WNK1: variants seen among roughly 807,000 people sequenced by gnomAD.
WNK1 encodes WNK lysine deficient protein kinase 1.
WNK1 carries 38 observed loss-of-function variants against 222.8 expected under a neutral mutation model. The ratio of observed to expected loss-of-function variants is 0.17; its 90% CI spans 0.13 to 0.22. The LOEUF (loss-of-function observed/expected upper bound fraction) is 0.22, where lower values mean the gene tolerates loss of function less well. Among genes scored for constraint, WNK1 ranks in the 10% least tolerant of loss-of-function variants. The pLI is 1.00. For missense variants in WNK1, 2,348 were observed against 2,918.4 expected (o/e 0.80, Z 4.50); for synonymous variants, 1,090 against 1,092.9 (o/e 1.00, Z 0.05).
chr12:895,928 A>T, intron 23 of WNK1, 143 bp from the exon 24 acceptor site: 1 of 1,061,816 alleles, frequency 9.4e-7, no homozygotes, highest in Non-Finnish European at 1.4e-6. Context: ...TCCTAGTCAA[A>T]AGTGGAGGCG....
At chr12:811,102 A>AT (rs1946865231) in intron 1 of WNK1, among the ~76,000 whole-genome samples, 1 of 152,190 alleles carries the variant, frequency 6.6e-6, no homozygotes, top group African/African-American at 2.4e-5. Context: ...ATCCAGCTCC[A>AT]TAATGGTGAA....
chr12:815,423 G>A lies in WNK1; in HGVS notation c.932+1609G>A, dbSNP rs536550437. Among the ~76,000 whole-genome samples, 6 of 152,272 alleles carry A rather than the reference G, an allele frequency of 3.9e-5. No individual in the cohort carries two copies. The East Asian group carries it at 9.6e-4, about 24-fold the overall frequency. On this transcript the variant is annotated intron_variant, in intron 2 of 27. Transcript: ENST00000315939. The stretch of plus-strand genomic sequence containing the variant: ...CTTGCATGTTTTCTGAAATGCTTAC[G>A]GTTAGCATGTTGAAACATGAACAGA...
At chr12:788,033 C>T (rs1944481592) in intron 1 of WNK1, among the ~76,000 whole-genome samples, 1 of 152,072 alleles carries the variant, frequency 6.6e-6, no homozygotes, top group Non-Finnish European at 1.5e-5. Context: ...GGAACTCTAG[C>T]ACAGGAGCTG....
intron 9 of WNK1, among the ~76,000 whole-genome samples, chr12:872,247 G>T (rs903784573): frequency 2.0e-5 from 3 of 151,876 alleles, no homozygotes; most frequent in Non-Finnish European, 2.9e-5. Flanking sequence ...CGCCTCAGCC[G>T]CCCGAGTAGC....
In WNK1 at chr12:753,364, G is replaced by T; in HGVS notation, c.-202G>T. ...CCTCCTCGTGAGCCGCAGCAGCCTC[G>T]GTGCCAGCCCCCGCCGCAGCTGGGC... is the stretch of plus-strand genomic sequence containing the variant. On this transcript the variant is annotated 5_prime_UTR_variant, in exon 1 of 28. Transcript: ENST00000315939. The surrounding 1 kb of genome is among the most constrained non-coding windows in gnomAD (Gnocchi z 5.2). 1.5e-6 allele frequency: 1 copy of T among 659,224 alleles called. No individual in the cohort carries two copies. The highest frequency in any genetic ancestry group is 2.5e-6 in the Non-Finnish European group (1 of 398,132). 40.8% of individuals were successfully genotyped at this position (659,224 alleles called of 1,614,324 possible).
intron 1 of WNK1, among the ~76,000 whole-genome samples, chr12:767,921 G>A (rs188707461): frequency 1.2e-4 from 18 of 152,088 alleles, no homozygotes; most frequent in Non-Finnish European, 2.4e-4. Flanking sequence ...TTGCTTCAAC[G>A]ACGTAACTGA....
chr12:867,749 A>T (rs1156911307), intron 8 of WNK1: 3 of 1,083,164 alleles, frequency 2.8e-6, no homozygotes, highest in Non-Finnish European at 4.1e-6. Context: ...TTTATTTATT[A>T]ATTATAAATT....
At chr12:907,139 C>T (rs993786140) in intron 26 of WNK1, among the ~76,000 whole-genome samples, 10 of 151,150 alleles carry the variant, frequency 6.6e-5, no homozygotes, top group African/African-American at 1.5e-4. Flanking sequence ...CTGGCCAACA[C>T]GGCAAAACCC....
chr12:760,940 A>AT (rs11284313), intron 1 of WNK1, among the ~76,000 whole-genome samples: 13,209 of 130,050 alleles, frequency 0.1, 1,401 homozygotes, highest in African/African-American at 0.16. Context: ...CACCCGGCTA[A>AT]TTTTTTTTTT....
Position 766,564 on chromosome 12 carries a change from C to T in WNK1, c.759+12240C>T, listed in dbSNP as rs144894350. Among the ~76,000 whole-genome samples, 872 of 151,886 alleles carry T rather than the reference C, an allele frequency of 5.7e-3. 4 individuals carry two copies. Among genetic ancestry groups the T allele is most frequent in the South Asian group, 0.014 (67 of 4,812 alleles). ...CATGATCTTGGCTCACTGCAACCTC[C>T]GCCTCCTGGGTTCAAGTGATTCTTC... On this transcript the variant is annotated intron_variant, in intron 1 of 27. Coordinates refer to ENST00000315939, the MANE Select transcript of WNK1 (RefSeq NM_018979.4).
intron 2 of WNK1, among the ~76,000 whole-genome samples, chr12:820,767 C>T (rs1362659529): frequency 6.6e-6 from 1 of 152,122 alleles, no homozygotes; most frequent in Non-Finnish European, 1.5e-5. Context: ...TGTGCCACCA[C>T]ACCTAGCCAT....
In WNK1 at chr12:907,853, G is replaced by T. The variant is rs2154103905; in HGVS notation, c.6650G>T (p.Ser2217Ile). The T allele has an allele frequency of 6.2e-7, 1 of 1,613,618 alleles. No homozygotes were observed. The highest frequency in any genetic ancestry group is 8.5e-7 in the Non-Finnish European group (1 of 1,180,016). The change falls in exon 27 of 28, where the codon AGC becomes ATC. Residue 2217 changes from serine (S) to isoleucine (I), a missense_variant. Transcript: ENST00000315939. ...ATTCTGTTGCTTATAATAGGAACCA[G>T]CAGCACAAACACTGTTGGGGCAACA... ...PSLSAPGQGT[S>I]STNTVGATVN...
intron 1 of WNK1, among the ~76,000 whole-genome samples, chr12:795,396 T>C (rs1445696259): frequency 1.3e-5 from 2 of 151,926 alleles, no homozygotes; most frequent in African/African-American, 2.4e-5. Context: ...CATGTGTCAG[T>C]GGCGGGGCCA....
rs1241012800 is a variant in WNK1, at chr12:781,432, T to C, written c.759+27108T>C. ...TGAAAATATAGTGGCTATATGAATT[T>C]TAGCTGCTGTCACTGTTCATTAATC... On this transcript the variant is annotated intron_variant, in intron 1 of 27. Transcript: ENST00000315939. Among the ~76,000 whole-genome samples, 5 of 152,226 alleles carry C rather than the reference T, an allele frequency of 3.3e-5. No homozygotes were observed. The East Asian group carries it at 9.6e-4, about 29-fold the overall frequency.
At chr12:762,040 G>A (rs1487216671) in intron 1 of WNK1, among the ~76,000 whole-genome samples, 1 of 133,468 alleles carries the variant, frequency 7.5e-6, no homozygotes, top group African/African-American at 2.6e-5. Flanking sequence ...ACATCCTCCT[G>A]TATAGTTTAT....
intron 8 of WNK1, chr12:865,161 C>G (rs72649821): frequency 6.5e-7 from 1 of 1,529,722 alleles, no homozygotes; most frequent in African/African-American, 1.4e-5. Flanking sequence ...TCTGCTGTTG[C>G]CTCTGTGTCC....
chr12:811,601 G>A (rs751457278), intron 1 of WNK1, among the ~76,000 whole-genome samples: 3 of 151,996 alleles, frequency 2.0e-5, no homozygotes, highest in Non-Finnish European at 4.4e-5. Context: ...TGTTCCTTCT[G>A]ATCTGTGTCT....
chr12:805,921 GAAGA>G (rs1490828692), intron 1 of WNK1, among the ~76,000 whole-genome samples: 2 of 151,398 alleles, frequency 1.3e-5, no homozygotes, highest in Non-Finnish European at 2.9e-5. Flanking sequence ...GAAATTTAAA[GAAGA>G]AAAAAAAATT....
At chr12:787,025 T>G (rs769821127) in intron 1 of WNK1, among the ~76,000 whole-genome samples, 5 of 152,230 alleles carry the variant, frequency 3.3e-5, no homozygotes, top group Non-Finnish European at 5.9e-5. Context: ...AGATTTATTT[T>G]CTTTGCATTT....
Sources: allele counts gnomAD v4.1 joint callset (sites outside exome capture counted in the v4.1 genomes callset), GRCh38; gene constraint gnomAD v4.1.1; non-coding constraint Gnocchi (gnomAD v3.1); transcripts MANE v1.5; gene names NCBI Gene and HGNC (gene_info 2026-07-23, HGNC 2026-07-21).